Variants in ERMP1 observed in about 807,000 individuals in gnomAD.
The protein encoded by ERMP1 is Felix-ina.
In ERMP1, 86 loss-of-function variants were observed where a neutral mutation model predicts 92.0. The ratio of observed to expected loss-of-function variants is 0.93; its 90% CI spans 0.79 to 1.12. The LOEUF (loss-of-function observed/expected upper bound fraction) is 1.12. Among genes scored for constraint, ERMP1 ranks in the 50% most tolerant of loss-of-function variants. The pLI, the probability that ERMP1 is intolerant of heterozygous loss-of-function variation, is 0.00. For missense variants in ERMP1, 1,342 were observed against 1,116.3 expected, an observed-to-expected ratio of 1.20 and a Z score of -2.88; for synonymous variants, 530 against 412.8, an observed-to-expected ratio of 1.28 and a Z score of -3.44.
In ERMP1 at chr9:5,810,707, T is replaced by TA. The variant is rs1209806691; in HGVS notation, c.1327+403dup. Among the ~76,000 whole-genome samples, 9 of 152,278 alleles carry TA rather than the reference T, an allele frequency of 5.9e-5. No homozygotes were observed. In the East Asian group the frequency reaches 1.7e-3, roughly 29 times the overall value. On this transcript the variant is annotated intron_variant, in intron 7 of 14. Transcript: ENST00000339450. ...TATCTCGTAACAGCACACAACAACT[T>TA]AGACTCTGAAACATTTCAAGCAGAA...
At chr9:5,829,230 A>AC (rs1372596945) in intron 2 of ERMP1, among the ~76,000 whole-genome samples, 2 of 152,012 alleles carry the variant, frequency 1.3e-5, no homozygotes, top group African/African-American at 2.4e-5. Flanking sequence ...AAAAAAAAAA[A>AC]AAAAAAAACA....
At chr9:5,833,253 C>T (rs1563775680), upstream of ERMP1, 4 of 478,936 alleles carry the variant, frequency 8.4e-6, no homozygotes, top group Non-Finnish European at 7.2e-6. Flanking sequence ...GTGGATATGC[C>T]GTCTCCCGCA....
chr9:5,837,233 C>T (rs1048267527), upstream of ERMP1, among the ~76,000 whole-genome samples: 2 of 152,098 alleles, frequency 1.3e-5, no homozygotes, highest in East Asian at 1.9e-4. Flanking sequence ...AATACTGCTG[C>T]CTTAGCCTCC....
At chr9:5,853,405 CTT>C (rs1035073399) in intron 6 of ERMP1, among the ~76,000 whole-genome samples, 2 of 152,176 alleles carry the variant, frequency 1.3e-5, no homozygotes, top group Non-Finnish European at 2.9e-5. Context: ...TAAATTCTCT[CTT>C]GTCCTGTTGC....
intron 5 of ERMP1, 104 bp downstream of exon 5, chr9:5,812,785 A>G: frequency 7.9e-7 from 1 of 1,272,302 alleles, no homozygotes; most frequent in Non-Finnish European, 1.1e-6. Context: ...TCACATAAAG[A>G]ATTTGATCTC....
At position 5,811,232 on chromosome 9, in the gene ERMP1, AAAG is replaced by A. The variant is rs1829079132; in HGVS notation, c.1203_1205del (p.Phe402del). The A allele has an allele frequency of 1.9e-6, 3 of 1,614,108 alleles. No homozygotes were observed. Among genetic ancestry groups the A allele is most frequent in the Non-Finnish European group, 2.5e-6 (3 of 1,179,984 alleles). ...CAATGACAAACAGGCCCAGCACATCAAAGAAGACCATGTTTCCATGTCGATACT... is the reference window on the plus strand; with the variant it reads ...CAATGACAAACAGGCCCAGCACATCAAAGACCATGTTTCCATGTCGATACT... On this transcript the variant is annotated inframe_deletion, in exon 7 of 15. Coordinates refer to ENST00000339450, the MANE Select transcript of ERMP1 (RefSeq NM_024896.3).
At chr9:5,804,088 A>G (rs34775274) in intron 10 of ERMP1, among the ~76,000 whole-genome samples, 9 of 152,298 alleles carry the variant, frequency 5.9e-5, no homozygotes, top group South Asian at 4.1e-4. Context: ...GCCCTTTACT[A>G]TATCAGTATG....
chr9:5,834,763 C>G (rs367766837), upstream of ERMP1, among the ~76,000 whole-genome samples: 42 of 114,424 alleles, frequency 3.7e-4, no homozygotes, highest in African/African-American at 1.3e-3. Context: ...GACAATATCC[C>G]ATGGTACCAT....
chr9:5,814,495 C>T (rs2131245992), intron 4 of ERMP1, among the ~76,000 whole-genome samples: 1 of 152,316 alleles, frequency 6.6e-6, no homozygotes, highest in Non-Finnish European at 1.5e-5. Context: ...ATAATCCCAG[C>T]ACTTTAGGAG....
chr9:5,833,552 C>G (rs1398895815), upstream of ERMP1, among the ~76,000 whole-genome samples: 1 of 152,230 alleles, frequency 6.6e-6, no homozygotes, highest in African/African-American at 2.4e-5. Context: ...AACTCAGCAA[C>G]TTAATCTGTG....
intron 6 of ERMP1, among the ~76,000 whole-genome samples, chr9:5,839,782 G>C (rs1830137614): frequency 6.6e-6 from 1 of 152,166 alleles, no homozygotes; most frequent in South Asian, 2.1e-4. Context: ...TGCTTTCCAA[G>C]ATGCCCAAAG....
chr9:5,822,245 C>T (rs952656908), intron 4 of ERMP1, among the ~76,000 whole-genome samples: 2 of 152,078 alleles, frequency 1.3e-5, no homozygotes, highest in African/African-American at 4.8e-5. Flanking sequence ...GAGTGAGACC[C>T]TGCTTCAAAA....
intron 4 of ERMP1, among the ~76,000 whole-genome samples, chr9:5,822,393 C>T (rs1829574700): frequency 2.0e-5 from 3 of 152,132 alleles, no homozygotes; most frequent in African/African-American, 4.8e-5. Context: ...AAAACAGAAC[C>T]TTGCTGCTTC....
chr9:5,862,984 G>A (rs2129786492), intron 5 of ERMP1, among the ~76,000 whole-genome samples: 1 of 152,330 alleles, frequency 6.6e-6, no homozygotes, highest in Non-Finnish European at 1.5e-5. Context: ...TAAAACATCT[G>A]TTTGTGGTAG....
intron 13 of ERMP1, among the ~76,000 whole-genome samples, chr9:5,792,591 T>G (rs1009340522): frequency 3.3e-5 from 5 of 152,144 alleles, no homozygotes; most frequent in African/African-American, 9.7e-5. Flanking sequence ...ACTTAAACTT[T>G]AGGGCAAGAA....
Position 5,801,000 on chromosome 9 carries a change from A to T in ERMP1, c.2067+176T>A, listed in dbSNP as rs145571991. Among the ~76,000 whole-genome samples, 588 of 152,374 alleles carry T rather than the reference A, an allele frequency of 3.9e-3. 4 individuals are homozygous for T. Among genetic ancestry groups the T allele is most frequent in the Non-Finnish European group, 4.0e-3 (273 of 68,024 alleles). ...CTCCTGGGAGATATATGTCTAGCTG[A>T]TAAGAATGCCTCTTGACAGTCAGTC... On this transcript the variant is annotated intron_variant, in intron 11 of 14. Coordinates refer to ENST00000339450, the MANE Select transcript of ERMP1 (RefSeq NM_024896.3).
chr9:5,812,621 A>C, intron 5 of ERMP1: 1 of 495,218 alleles, frequency 2.0e-6, no homozygotes, highest in Non-Finnish European at 3.6e-6. Context: ...CCCCTGAAGG[A>C]TCTATTACCA....
At chr9:5,821,964 T>C (rs1242377888) in intron 4 of ERMP1, among the ~76,000 whole-genome samples, 2 of 152,086 alleles carry the variant, frequency 1.3e-5, no homozygotes, top group Admixed American at 1.3e-4. Context: ...ATCCAAGAAA[T>C]AGAAAGAGGC....
At chr9:5,805,844 T>C (rs1351475702) in intron 8 of ERMP1, 59 bp from the exon 9 acceptor site, 1 of 1,310,700 alleles carries the variant, frequency 7.6e-7, no homozygotes, top group Non-Finnish European at 1.0e-6. Context: ...AAAGAGCTTT[T>C]ATTATAGTAA....
Sources: gnomAD v4.1 joint callset for allele counts (sites outside exome capture counted in the v4.1 genomes callset) on GRCh38, gnomAD v4.1.1 for gene constraint, MANE v1.5 for transcripts, NCBI Gene and HGNC (gene_info 2026-07-23, HGNC 2026-07-21) for gene names.